NPDC1: variants seen among roughly 807,000 people sequenced by gnomAD.
NPDC1 encodes neural proliferation, differentiation and control 1, also known as neural proliferation differentiation and control protein 1.
A neutral mutation model predicts 32.5 loss-of-function variants in NPDC1; 18 were observed. The ratio of observed to expected loss-of-function variants is 0.55; its 90% CI spans 0.38 to 0.82. The LOEUF (loss-of-function observed/expected upper bound fraction) is 0.82, where lower values mean the gene tolerates loss of function less well. Among genes scored for constraint, NPDC1 ranks in the 40% least tolerant of loss-of-function variants. NPDC1 has a pLI of 0.00. For synonymous variants in NPDC1, 210 were observed against 184.7 expected (o/e 1.14, Z -1.11); for missense variants, 468 against 406.6 (o/e 1.15, Z -1.30).
chr9:137,043,121 C>A, intron 1 of NPDC1, 48 bp from the exon 2 acceptor site: 2 of 1,598,132 alleles, frequency 1.3e-6, no homozygotes, highest in Middle Eastern at 1.7e-4. Flanking sequence ...CCGCAGGGCT[C>A]GGCCCCTGCA....
intron 2 of NPDC1, among the ~76,000 whole-genome samples, chr9:137,042,075 G>A (rs945514742): frequency 2.0e-5 from 3 of 152,226 alleles, no homozygotes; most frequent in Non-Finnish European, 2.9e-5. Context: ...ATTTCACATC[G>A]TGCAGCCCTT....
chr9:137,043,138 A>C (rs779749740), intron 1 of NPDC1, 65 bp from the exon 2 acceptor site: 314 of 1,562,782 alleles, frequency 2.0e-4, no homozygotes, highest in Non-Finnish European at 2.4e-4. Flanking sequence ...TGCACACGGC[A>C]GCGCTGCCCC....
Position 137,043,008 on chromosome 9 carries a change from C to T in NPDC1, c.178G>A (p.Ala60Thr), listed in dbSNP as rs1297084109. ...LKRRARCPPG[A>T]HACGPCLQPF... is the part of the protein sequence containing the mutation. ...TGAAGGCAGGGCCCACAGGCATGTG[C>T]ACCAGGAGGACACCTTGCCCGCCTC... Residue 60 changes from alanine to threonine, a missense_variant, in exon 2 of 9, where the codon GCA becomes ACA. Ala to Thr is a moderately conservative substitution (Grantham distance 58). Transcript: ENST00000371601. 6.2e-7 allele frequency: 1 copy of T among 1,612,728 alleles called. No homozygotes were observed. Among genetic ancestry groups the T allele is most frequent in the African/African-American group, 1.3e-5 (1 of 74,924 alleles).
intron 1 of NPDC1, chr9:137,043,463 G>A: frequency 1.6e-6 from 1 of 632,636 alleles, no homozygotes; most frequent in Non-Finnish European, 2.9e-6. Context: ...GGGAGTCCCA[G>A]AGGGAAGGGC....
chr9:137,044,764 G>C (rs1317868131), intron 1 of NPDC1, among the ~76,000 whole-genome samples: 1 of 152,268 alleles, frequency 6.6e-6, no homozygotes, highest in South Asian at 2.1e-4. Context: ...CCCGGGCTCA[G>C]CACAGCAGCT....
Position 137,039,980 on chromosome 9 carries a change from G to A in NPDC1, c.876C>T (p.Gly292=), listed in dbSNP as rs1470285677. The A allele has an allele frequency of 5.1e-6, 4 of 779,068 alleles. No homozygotes were observed. Among genetic ancestry groups the A allele is most frequent in the Non-Finnish European group, 9.6e-6 (4 of 417,976 alleles). The allele number at this position is 779,068 out of a possible 1,614,324, so 48.3% of individuals were successfully genotyped here. A position where few individuals can be genotyped will look rare whatever the true frequency, so the allele number is the denominator to read the frequency against. The stretch of plus-strand genomic sequence containing the variant: ...ACCCTGAGGCACTCACCGGGGCCAG[G>A]CCCGGGCACTCGTACACCGTGAAGT... ...DGDFTVYECP[G]LAPTGEMEVR... Residue 292 remains glycine, a synonymous_variant, in exon 8 of 9, where the codon GGC becomes GGT. Transcript: ENST00000371601.
chr9:137,041,123 C>T lies in NPDC1; in HGVS notation c.324G>A (p.Arg108=). The change falls in exon 3 of 9, where the codon CGG becomes CGA. Residue 108 remains arginine, a synonymous_variant. Coordinates refer to ENST00000371601, the MANE Select transcript of NPDC1 (RefSeq NM_015392.4). ...GCGGAGTTGAGTGTCCAGACTCCTT[C>T]CGGGCAAGCTCCTGGGCCAGGAAGT... The part of the protein sequence containing the change: ...EIDFLAQELA[R]KESGHSTPPL... 1 of 1,517,274 alleles carries T rather than the reference C, an allele frequency of 6.6e-7. No individual in the cohort carries two copies. The highest frequency in any genetic ancestry group is 8.8e-7 in the Non-Finnish European group (1 of 1,134,390). 94.0% of individuals were successfully genotyped at this position (1,517,274 alleles called of 1,614,324 possible).
chr9:137,046,146 GGGCGGC>G lies in NPDC1; in HGVS notation c.-163_-158del, dbSNP rs896867446. The G allele has an allele frequency of 2.3e-5, 25 of 1,098,086 alleles. No individual in the cohort carries two copies. In the African/African-American group the frequency reaches 3.3e-4, roughly 15 times the overall value. 68.0% of individuals were successfully genotyped at this position (1,098,086 alleles called of 1,614,324 possible). ...GGAGGAGGAGGAAGAGGAAAGGCAC[GGGCGGC>G]GGCGCTGACGCTGCAGCAAGGATCC... On this transcript the variant is annotated 5_prime_UTR_variant, in exon 1 of 9. Coordinates refer to ENST00000371601, the MANE Select transcript of NPDC1 (RefSeq NM_015392.4).
At position 137,039,795 on chromosome 9, in the gene NPDC1, TG is replaced by T. The variant is rs1832016498; in HGVS notation, c.954del (p.Ser319AlafsTer34). 1 of 775,706 alleles carries T rather than the reference TG, an allele frequency of 1.3e-6. No homozygotes were observed. 48.1% of individuals were successfully genotyped at this position (775,706 alleles called of 1,614,324 possible). A position where few individuals can be genotyped will look rare whatever the true frequency, so the allele number is the denominator to read the frequency against. ...GGTCATGGCAGTGCAGGCGGTGAGC[TG>T]GGGGCCGGCAGGGGCGCGGACAGTG... The part of the protein sequence containing the change: ...HAALSAPLPA[P>X]SSPPALP On this transcript the variant is annotated frameshift_variant, in exon 9 of 9. Transcript: ENST00000371601. LOFTEE classifies it high-confidence loss of function.
chr9:137,043,207 G>C (rs1198101989), intron 1 of NPDC1, 134 bp from the exon 2 acceptor site: 2 of 1,008,270 alleles, frequency 2.0e-6, no homozygotes, highest in African/African-American at 1.6e-5. Context: ...CATTGTTCTG[G>C]ACATGCCCTT....
intron 5 of NPDC1, 29 bp downstream of exon 5, chr9:137,040,642 C>A: frequency 2.6e-6 from 4 of 1,562,896 alleles, no homozygotes; most frequent in Non-Finnish European, 3.5e-6. Flanking sequence ...GTGGCACCCT[C>A]CCTGCCCTGC....
chr9:137,041,555 G>A (rs113118194), intron 2 of NPDC1, among the ~76,000 whole-genome samples: 24 of 152,296 alleles, frequency 1.6e-4, no homozygotes, highest in African/African-American at 5.1e-4. Context: ...CCCAAGGAGT[G>A]GGGGGAAGCC....
chr9:137,042,543 C>A (rs1358935245), intron 2 of NPDC1, among the ~76,000 whole-genome samples: 2 of 144,896 alleles, frequency 1.4e-5, no homozygotes, highest in African/African-American at 5.1e-5. Context: ...AGGCGTGAGC[C>A]ACTGCTCCCG....
Position 137,041,196 on chromosome 9 carries a change from G to C in NPDC1, c.260-9C>G. 1 of 1,428,782 alleles carries C rather than the reference G, an allele frequency of 7.0e-7. No homozygotes were observed. The highest frequency in any genetic ancestry group is 9.2e-7 in the Non-Finnish European group (1 of 1,089,884). The allele number at this position is 1,428,782 out of a possible 1,614,324, so 88.5% of individuals were successfully genotyped here. ...CTGGGGCCGGCCCCCGCCTGGGGAG[G>C]GTGAGGGGCCATCAGGTGGAGGGGT... is the stretch of plus-strand genomic sequence containing the variant. On this transcript the variant is annotated splice_polypyrimidine_tract_variant and intron_variant, in intron 2 of 8. Coordinates refer to ENST00000371601, the MANE Select transcript of NPDC1 (RefSeq NM_015392.4).
intron 8 of NPDC1, 21 bp downstream of exon 8, chr9:137,039,950 C>G: frequency 1.3e-6 from 1 of 778,940 alleles, no homozygotes. Context: ...TTCGCCCCTC[C>G]CTGCACCCTG....
rs1564245442 is a variant in NPDC1 at position 137,039,587 on chromosome 9, G to C, written c.*185C>G. 1.7e-6 allele frequency: 1 copy of C among 580,898 alleles called. No individual in the cohort carries two copies. Among genetic ancestry groups the C allele is most frequent in the Non-Finnish European group, 3.1e-6 (1 of 327,852 alleles). The allele number at this position is 580,898 out of a possible 1,614,324, so 36.0% of individuals were successfully genotyped here. On this transcript the variant is annotated 3_prime_UTR_variant, in exon 9 of 9. Coordinates refer to ENST00000371601, the MANE Select transcript of NPDC1 (RefSeq NM_015392.4). ...TAAACCGAACAGGAGAGGTGCAGGG[G>C]ACCAGGAGGTGTCCTGGCACAAAGG...
At chr9:137,043,233 G>A (rs1832084353) in intron 1 of NPDC1, 160 bp from the exon 2 acceptor site, 1 of 838,406 alleles carries the variant, frequency 1.2e-6, no homozygotes, top group Non-Finnish European at 2.0e-6. Flanking sequence ...CTGACGCCAG[G>A]GCTCAGAACC....
chr9:137,042,415 G>A (rs756722416), intron 2 of NPDC1, among the ~76,000 whole-genome samples: 5 of 151,960 alleles, frequency 3.3e-5, no homozygotes, highest in African/African-American at 4.8e-5. Flanking sequence ...CGCCACGCCC[G>A]GCTAATTTTG....
chr9:137,045,212 G>C (rs1214224738), intron 1 of NPDC1, among the ~76,000 whole-genome samples: 4 of 152,260 alleles, frequency 2.6e-5, no homozygotes, highest in African/African-American at 7.2e-5. Flanking sequence ...CCCTCCTCCG[G>C]AGTCCACCTG....
Sources: gnomAD v4.1 joint callset for allele counts (sites outside exome capture counted in the v4.1 genomes callset) on GRCh38, gnomAD v4.1.1 for gene constraint, MANE v1.5 for transcripts, NCBI Gene and HGNC (gene_info 2026-07-23, HGNC 2026-07-21) for gene names.